The following IGFBP3 variants were observed in gnomAD, a reference collection of about 807,000 sequenced individuals.
IGFBP3 encodes insulin-like growth factor-binding protein 3.
A neutral mutation model predicts 28.6 loss-of-function variants in IGFBP3; 9 were observed. That is an observed-to-expected ratio of 0.31 (90% CI 0.19 to 0.55). IGFBP3 has a LOEUF of 0.55. Ranked by LOEUF, IGFBP3 falls within the 20% of genes least tolerant of loss-of-function variation. IGFBP3 has a pLI of 0.93. For synonymous variants in IGFBP3, 185 were observed against 188.2 expected, an observed-to-expected ratio of 0.98 and a Z score of 0.14; for missense variants, 382 against 428.9, an observed-to-expected ratio of 0.89 and a Z score of 0.97.
intron 1 of IGFBP3, among the ~76,000 whole-genome samples, chr7:45,917,881 T>C (rs913073521): frequency 6.6e-6 from 1 of 152,128 alleles, no homozygotes; most frequent in East Asian, 1.9e-4. Context: ...TTGGAAGAAA[T>C]GCACATTCTC....
rs570886065 is a variant in IGFBP3, at chr7:45,913,193, T to G, written c.*657A>C. The G allele has an allele frequency of 1.3e-5, 2 of 152,178 alleles. No individual in the cohort carries two copies. The highest frequency in any genetic ancestry group is 2.9e-5 in the Non-Finnish European group (2 of 68,038). The allele number at this position is 152,178 out of a possible 1,614,324, so 9.4% of individuals were successfully genotyped here. ...GGAGGGCCCGAAATACCTGCCTTTA[T>G]AGGTTCCCAGAGTGCCCTAGAACAT... On this transcript the variant is annotated 3_prime_UTR_variant, in exon 5 of 5. Transcript: ENST00000613132.
chr7:45,914,900 C>T lies in IGFBP3; in HGVS notation c.796G>A (p.Asp266Asn). 6.2e-7 allele frequency: 1 copy of T among 1,614,144 alleles called. No homozygotes were observed. The change falls in exon 4 of 5, where the codon GAT becomes AAT. Residue 266 changes from aspartate to asparagine, a missense_variant. By Grantham distance (23) the Asp-to-Asn change is conservative. Coordinates refer to ENST00000613132, the MANE Select transcript of IGFBP3 (RefSeq NM_000598.5). ...GRKRGFCWCV[D>N]KYGQPLPGYT... ...CCTGGGAGAGGCTGCCCATACTTAT[C>T]CACACACCAGCAGAAGCCCCGCTTC...
rs1259749521 is a variant in IGFBP3 at position 45,921,112 on chromosome 7, G to C, written c.29C>G (p.Ala10Gly). 2.0e-6 allele frequency: 3 copies of C among 1,494,312 alleles called. No homozygotes were observed. The highest frequency in any genetic ancestry group is 2.7e-6 in the Non-Finnish European group (3 of 1,128,242). The allele number at this position is 1,494,312 out of a possible 1,614,324, so 92.6% of individuals were successfully genotyped here. ...CAGCACCAGCAGAGTCAGCGCAGCG[G>C]CCCAGAGCGTGGGTCGCGCCCGCTG... The part of the protein sequence containing the change: MQRARPTLW[A>G]AALTLLVLLR... The change falls in exon 1 of 5, where the codon GCC (alanine) becomes GGC (glycine). Residue 10 changes from alanine to glycine, a missense_variant. By Grantham distance (60) the Ala-to-Gly change is moderately conservative (BLOSUM62 0). Transcript: ENST00000613132.
chr7:45,919,267 C>T (rs1461012370), intron 1 of IGFBP3, among the ~76,000 whole-genome samples: 1 of 152,168 alleles, frequency 6.6e-6, no homozygotes, highest in Non-Finnish European at 1.5e-5. Context: ...TACAGTGCTA[C>T]TAAGGTGGTA....
chr7:45,917,085 GGCTAGGGGTTGCCCACCCATCAGCCAGGC>G, intron 2 of IGFBP3, 99 bp downstream of exon 2: 1 of 717,354 alleles, frequency 1.4e-6, no homozygotes, highest in Non-Finnish European at 2.5e-6. Context: ...GGCACAGAGG[GGCTAGGGGTTGCCCACCCATCAGCCAGGC>G]GCTGGGGTTT....
intron 1 of IGFBP3, 72 bp downstream of exon 1, chr7:45,920,666 C>G: frequency 7.9e-7 from 1 of 1,266,314 alleles, no homozygotes; most frequent in African/African-American, 1.6e-5. Flanking sequence ...CAGCGGCACC[C>G]AGCAACCCCC....
rs1305925681 is a variant in IGFBP3, at chr7:45,921,195, G to T, written c.-55C>A. ...CAGGCTGGGCGCGCAGGGATGGGGC[G>T]ACAGTACACGGCGCGAAGCTGTGGA... On this transcript the variant is annotated 5_prime_UTR_variant, in exon 1 of 5. Transcript: ENST00000613132. 2.0e-6 allele frequency: 3 copies of T among 1,486,538 alleles called. No homozygotes were observed. The highest frequency in any genetic ancestry group is 1.2e-5 in the South Asian group (1 of 82,364). 92.1% of individuals were successfully genotyped at this position (1,486,538 alleles called of 1,614,324 possible).
chr7:45,917,401 T>G lies in IGFBP3; in HGVS notation c.442A>C (p.Ser148Arg), dbSNP rs1440279388. 1 of 1,613,726 alleles carries G rather than the reference T, an allele frequency of 6.2e-7. No homozygotes were observed. Among genetic ancestry groups the G allele is most frequent in the African/African-American group, 1.3e-5 (1 of 74,898 alleles). The change falls in exon 2 of 5, where the codon AGT (serine) becomes CGT (arginine). Residue 148 changes from serine to arginine, a missense_variant. By Grantham distance (110) the Ser-to-Arg change is moderately radical. Transcript: ENST00000613132. ...CTGGAGACGGACGGGCTCTCCACAC[T>G]GCCGGCGCTGCGGTCTTCCTCCGAC... is the stretch of plus-strand genomic sequence containing the variant. The part of the protein sequence containing the change: ...SESEEDRSAG[S>R]VESPSVSSTH...
intron 1 of IGFBP3, among the ~76,000 whole-genome samples, chr7:45,918,414 T>G (rs1583672014): frequency 6.6e-6 from 1 of 152,224 alleles, no homozygotes; most frequent in South Asian, 2.1e-4. Flanking sequence ...TTTAAGTATA[T>G]GACTAAATTC....
chr7:45,920,854 G>A lies in IGFBP3; in HGVS notation c.287C>T (p.Pro96Leu). The change falls in exon 1 of 5, where the codon CCG (proline) becomes CTG (leucine). Residue 96 changes from proline to leucine, a missense_variant. By Grantham distance (98) the Pro-to-Leu change is moderately conservative. Coordinates refer to ENST00000613132, the MANE Select transcript of IGFBP3 (RefSeq NM_000598.5). ...CAGCGGTCGCGCCTCGTCGGGCGAC[G>A]GCTGGCAGCGAAGGCCGGAGCCACA... is the stretch of plus-strand genomic sequence containing the variant. ...ERCGSGLRCQPSPDEARPLQA... is the reference protein window; with the variant it reads ...ERCGSGLRCQLSPDEARPLQA... 1.4e-6 allele frequency: 2 copies of A among 1,415,940 alleles called. No individual in the cohort carries two copies. Among genetic ancestry groups the A allele is most frequent in the Non-Finnish European group, 1.8e-6 (2 of 1,092,626 alleles). The allele number at this position is 1,415,940 out of a possible 1,614,324, so 87.7% of individuals were successfully genotyped here. A position where few individuals can be genotyped will look rare whatever the true frequency, so the allele number is the denominator to read the frequency against.
At chr7:45,915,048 T>C in intron 3 of IGFBP3, 103 bp from the exon 4 acceptor site, 7 of 1,373,300 alleles carry the variant, frequency 5.1e-6, no homozygotes, top group Non-Finnish European at 6.0e-6. Flanking sequence ...TCTGCTATGC[T>C]GAGAAAGCAC....
chr7:45,919,290 G>A (rs1212637918), intron 1 of IGFBP3, among the ~76,000 whole-genome samples: 2 of 152,168 alleles, frequency 1.3e-5, no homozygotes, highest in Non-Finnish European at 2.9e-5. Flanking sequence ...CATGATGATT[G>A]CTAAAGCCCA....
In IGFBP3 at chr7:45,920,829, C is replaced by A; in HGVS notation, c.312G>T (p.Leu104=). The change falls in exon 1 of 5, where the codon CTG becomes CTT. Residue 104 remains leucine (L), a synonymous_variant. Coordinates refer to ENST00000613132, the MANE Select transcript of IGFBP3 (RefSeq NM_000598.5). ...CQPSPDEARP[L]QALLDGRGLC... ...GCCCGCGGCCGTCCAGCAGCGCCTG[C>A]AGCGGTCGCGCCTCGTCGGGCGACG... 2.8e-6 allele frequency: 4 copies of A among 1,408,270 alleles called. No homozygotes were observed. The highest frequency in any genetic ancestry group is 3.7e-6 in the Non-Finnish European group (4 of 1,090,000). The allele number at this position is 1,408,270 out of a possible 1,614,324, so 87.2% of individuals were successfully genotyped here. A position where few individuals can be genotyped will look rare whatever the true frequency, so the allele number is the denominator to read the frequency against.
rs140701163 is a variant in IGFBP3, at chr7:45,919,760, C to G, written c.403+978G>C. 1.1e-4 allele frequency among the ~76,000 whole-genome samples: 17 copies of G among 152,312 alleles called. No homozygotes were observed. In the East Asian group the frequency reaches 3.1e-3, roughly 28 times the overall value. ...ATGCTTGAAAGAACAGCTGCCAAAT[C>G]CATTTAAACAACCCCCGCTCCTTTT... On this transcript the variant is annotated intron_variant, in intron 1 of 4. Transcript: ENST00000613132.
chr7:45,917,202 A>G lies in IGFBP3; in HGVS notation c.630+11T>C. 1.2e-6 allele frequency: 2 copies of G among 1,602,490 alleles called. No individual in the cohort carries two copies. The highest frequency in any genetic ancestry group is 1.7e-4 in the Middle Eastern group (1 of 6,014). Reference sequence around the variant, plus strand: ...TTGCCCTCCTCCTTTAACAAGAGGAAAAGCTCTCACATATTCTGTCTCCCG... The same window carrying G: ...TTGCCCTCCTCCTTTAACAAGAGGAGAAGCTCTCACATATTCTGTCTCCCG... On this transcript the variant is annotated intron_variant, in intron 2 of 4. Transcript: ENST00000613132.
intron 3 of IGFBP3, 121 bp downstream of exon 3, chr7:45,916,427 G>T: frequency 3.2e-6 from 3 of 945,734 alleles, no homozygotes; most frequent in Non-Finnish European, 4.7e-6. Context: ...CAAGTCCTGG[G>T]CACTGGTGCT....
intron 2 of IGFBP3, 124 bp from the exon 3 acceptor site, chr7:45,916,791 TTA>T (rs1425220114): frequency 9.9e-7 from 1 of 1,013,586 alleles, no homozygotes; most frequent in African/African-American, 1.6e-5. Flanking sequence ...CTCAGATACC[TTA>T]TGTCTGATGT....
At chr7:45,916,739 C>T (rs549385971) in intron 2 of IGFBP3, 72 bp from the exon 3 acceptor site, 559 of 1,521,448 alleles carry the variant, frequency 3.7e-4, no homozygotes, top group Non-Finnish European at 4.8e-4. Flanking sequence ...AAAAATCTTA[C>T]GATGCTGCAC....
chr7:45,915,996 A>G (rs180729254), intron 3 of IGFBP3, among the ~76,000 whole-genome samples: 5 of 152,338 alleles, frequency 3.3e-5, no homozygotes, highest in Admixed American at 6.5e-5. Flanking sequence ...TTTCCTTGAA[A>G]AGCCCAAGGG....
Sources: allele counts gnomAD v4.1 joint callset (sites outside exome capture counted in the v4.1 genomes callset), GRCh38; gene constraint gnomAD v4.1.1; transcripts MANE v1.5; gene names NCBI Gene and HGNC (gene_info 2026-07-23, HGNC 2026-07-21).